KCNIP4: variants seen among roughly 807,000 people sequenced by gnomAD.
KCNIP4 encodes potassium voltage-gated channel interacting protein 4.
A neutral mutation model predicts 34.0 loss-of-function variants in KCNIP4; 12 were observed. The ratio of observed to expected loss-of-function variants is 0.35; its 90% CI spans 0.23 to 0.57. The LOEUF is 0.57. Among genes scored for constraint, KCNIP4 ranks in the 20% least tolerant of loss-of-function variants. The pLI is 0.83. For synonymous variants in KCNIP4, 124 were observed against 102.2 expected (o/e 1.21, Z -1.29); for missense variants, 238 against 311.7 (o/e 0.76, Z 1.78).
chr4:21,234,191 T>G (rs868680272), intron 1 of KCNIP4, among the ~76,000 whole-genome samples: 2 of 85,116 alleles, frequency 2.3e-5, no homozygotes, highest in Non-Finnish European at 3.8e-5. Context: ...TAACGTATAT[T>G]ATATATAACA....
intron 1 of KCNIP4, among the ~76,000 whole-genome samples, chr4:21,140,581 C>A (rs1751872221): frequency 6.6e-6 from 1 of 152,038 alleles, no homozygotes; most frequent in Non-Finnish European, 1.5e-5. Context: ...TTCTAAAAAC[C>A]AGCTTGAATT....
chr4:21,701,329 T>G lies in KCNIP4; in HGVS notation c.61+247242A>C, dbSNP rs141628745. Among the ~76,000 whole-genome samples the G allele has an allele frequency of 6.0e-3, 913 of 152,290 alleles. 6 individuals carry two copies. The highest frequency in any genetic ancestry group is 0.021 in the African/African-American group (874 of 41,562). On this transcript the variant is annotated intron_variant, in intron 1 of 8. Transcript: ENST00000382152. ...TCAGCTAAACGGGAGGAATACATTT[T>G]ATTGATCAATTGTACAACGCGATGA...
At chr4:20,749,904 C>T (rs1753279085) in intron 4 of KCNIP4, among the ~76,000 whole-genome samples, 172 bp from the exon 5 acceptor site, 1 of 152,148 alleles carries the variant, frequency 6.6e-6, no homozygotes, top group Non-Finnish European at 1.5e-5. Flanking sequence ...GTTTGAGATT[C>T]ACAGGAAGAA....
At position 21,459,953 on chromosome 4, in the gene KCNIP4, T is replaced by C. The variant is rs564414997; in HGVS notation, c.61+488618A>G. 5.3e-5 allele frequency among the ~76,000 whole-genome samples: 8 copies of C among 151,756 alleles called. No homozygotes were observed. The South Asian group carries it at 1.3e-3, about 24-fold the overall frequency. On this transcript the variant is annotated intron_variant, in intron 1 of 8. Coordinates refer to ENST00000382152, the MANE Select transcript of KCNIP4 (RefSeq NM_025221.6). Reference sequence around the variant, plus strand: ...TCCCTGGAAAGTCACAACCTTGTAATCTCCTCTCTACACAAGGGCCACAGT... The same window carrying C: ...TCCCTGGAAAGTCACAACCTTGTAACCTCCTCTCTACACAAGGGCCACAGT...
intron 1 of KCNIP4, among the ~76,000 whole-genome samples, chr4:21,042,583 A>C (rs1742064052): frequency 6.6e-6 from 1 of 152,156 alleles, no homozygotes; most frequent in African/African-American, 2.4e-5. Context: ...ACGAAGCTAC[A>C]ATTTGATAGG....
chr4:21,364,967 A>G (rs1719592940), intron 1 of KCNIP4, among the ~76,000 whole-genome samples: 1 of 152,110 alleles, frequency 6.6e-6, no homozygotes, highest in Non-Finnish European at 1.5e-5. Flanking sequence ...GAAGATGAGG[A>G]ATTATGGTAT....
At chr4:21,663,655 C>G (rs1397092305) in intron 1 of KCNIP4, among the ~76,000 whole-genome samples, 1 of 152,158 alleles carries the variant, frequency 6.6e-6, no homozygotes, top group Non-Finnish European at 1.5e-5. Flanking sequence ...GTGTCTAATA[C>G]TCACTGATTC....
At chr4:20,960,402 G>A (rs187992159) in intron 1 of KCNIP4, among the ~76,000 whole-genome samples, 75 of 152,300 alleles carry the variant, frequency 4.9e-4, no homozygotes, top group African/African-American at 1.7e-3. Context: ...CAGGAAAGCA[G>A]CAAAAAATCT....
intron 1 of KCNIP4, among the ~76,000 whole-genome samples, chr4:21,678,379 A>G (rs1750079309): frequency 6.8e-6 from 1 of 146,538 alleles, no homozygotes; most frequent in African/African-American, 2.5e-5. Context: ...CCATGCAAAA[A>G]AACAGCCAAT....
intron 1 of KCNIP4, chr4:21,316,315 TCAGTAAATGTTG>T (rs1470653692): frequency 6.6e-6 from 1 of 151,880 alleles, no homozygotes; most frequent in Non-Finnish European, 1.5e-5. Context: ...TATTAGTTGA[TCAGTAAATGTTG>T]CAGTAAATGA....
intron 3 of KCNIP4, chr4:20,767,175 T>C (rs1328377486): frequency 6.6e-6 from 1 of 152,194 alleles, no homozygotes; most frequent in East Asian, 1.9e-4. Flanking sequence ...CGTGGTTGAA[T>C]CTAGAATAAC....
chr4:20,731,310 G>A (rs1748137572), intron 8 of KCNIP4: 1 of 824,464 alleles, frequency 1.2e-6, no homozygotes, highest in Non-Finnish European at 1.5e-6. Context: ...CTGGCCTTAA[G>A]TTATCTTCCC....
chr4:20,992,950 C>T (rs1221450936), intron 1 of KCNIP4, among the ~76,000 whole-genome samples: 2 of 148,636 alleles, frequency 1.3e-5, no homozygotes, highest in African/African-American at 2.5e-5. Flanking sequence ...ATCACTTGAA[C>T]CTGGGGAGTG....
At chr4:21,504,861 C>A (rs1473454448) in intron 1 of KCNIP4, among the ~76,000 whole-genome samples, 1 of 152,180 alleles carries the variant, frequency 6.6e-6, no homozygotes, top group Admixed American at 6.5e-5. Flanking sequence ...AAATTTGCTG[C>A]CCATTTTACT....
At chr4:20,977,030 T>C (rs1279032423) in intron 1 of KCNIP4, among the ~76,000 whole-genome samples, 1 of 151,966 alleles carries the variant, frequency 6.6e-6, no homozygotes, top group Non-Finnish European at 1.5e-5. Context: ...ATGAAGTTTC[T>C]CCATGTTGGT....
At chr4:20,829,307 A>T (rs1406958126) in intron 3 of KCNIP4, among the ~76,000 whole-genome samples, 2 of 152,136 alleles carry the variant, frequency 1.3e-5, no homozygotes, top group East Asian at 3.9e-4. Context: ...ACCCGGGTTC[A>T]TGCCATTCTC....
chr4:21,934,992 C>A (rs926770188), intron 1 of KCNIP4, among the ~76,000 whole-genome samples: 1 of 152,232 alleles, frequency 6.6e-6, no homozygotes, highest in Non-Finnish European at 1.5e-5. Context: ...CACACAATTT[C>A]TTTCTTCTGT....
chr4:21,129,577 G>A (rs1750903664), intron 1 of KCNIP4, among the ~76,000 whole-genome samples: 1 of 152,154 alleles, frequency 6.6e-6, no homozygotes, highest in South Asian at 2.1e-4. Flanking sequence ...TGCAAACTTT[G>A]CATATTTTCA....
chr4:21,842,150 T>C lies in KCNIP4; in HGVS notation c.61+106421A>G, dbSNP rs117255450. Among the ~76,000 whole-genome samples the C allele has an allele frequency of 7.7e-4, 117 of 152,290 alleles. 1 individual carries two copies. The East Asian group carries it at 0.021, about 28-fold the overall frequency. On this transcript the variant is annotated intron_variant, in intron 1 of 8. Transcript: ENST00000382152. ...TTTGCTAATTCATGCCCCAAAATAA[T>C]TATTCATGTCTTTAAAATTTTCAAA...
Sources: allele counts gnomAD v4.1 joint callset (sites outside exome capture counted in the v4.1 genomes callset), GRCh38; gene constraint gnomAD v4.1.1; transcripts MANE v1.5; gene names NCBI Gene and HGNC (gene_info 2026-07-23, HGNC 2026-07-21).